TRPS1: variants seen among roughly 807,000 people sequenced by gnomAD.
The protein encoded by TRPS1 is zinc finger transcription factor Trps1.
Under a neutral mutation model 101.2 loss-of-function variants are expected in TRPS1, and 6 were observed. The observed-to-expected ratio is 0.06, with a 90% CI of 0.03 to 0.12. The LOEUF (loss-of-function observed/expected upper bound fraction) is 0.12, where lower values mean the gene tolerates loss of function less well. Among genes scored for constraint, TRPS1 ranks in the 10% least tolerant of loss-of-function variants. The probability of loss-of-function intolerance (pLI) is 1.00; values close to 1 mark genes in which losing one functional copy is unlikely to be tolerated. For synonymous variants in TRPS1, 578 were observed against 589.8 expected, an observed-to-expected ratio of 0.98 and a Z score of 0.29; for missense variants, 1,363 against 1,567.0, an observed-to-expected ratio of 0.87 and a Z score of 2.20.
chr8:115,633,171 CA>C (rs891231319), intron 1 of TRPS1, among the ~76,000 whole-genome samples: 1 of 151,914 alleles, frequency 6.6e-6, no homozygotes, highest in Non-Finnish European at 1.5e-5. Context: ...CCCCAGCAGG[CA>C]AACAGGTGGT....
rs766565793 is a variant in TRPS1, at chr8:115,604,469, G to A, written c.1500C>T (p.Ala500=). 1.2e-6 allele frequency: 2 copies of A among 1,613,918 alleles called. No homozygotes were observed. Among genetic ancestry groups the A allele is most frequent in the Non-Finnish European group, 1.7e-6 (2 of 1,179,964 alleles). Reference sequence around the variant, plus strand: ...TCATTGTCTCTCCTTCTGAACTTTTGGCTAGATCATTCTGATTAATGACAG... The same window carrying A: ...TCATTGTCTCTCCTTCTGAACTTTTAGCTAGATCATTCTGATTAATGACAG... ...RGSVINQNDL[A]KSSEGETMTK... Residue 500 remains alanine, a synonymous_variant, in exon 4 of 7, where the codon GCC becomes GCT. Transcript: ENST00000395715. The surrounding 1 kb of genome is among the most constrained non-coding windows in gnomAD (Gnocchi z 4.1).
chr8:115,561,385 T>C (rs1182250430), intron 5 of TRPS1, among the ~76,000 whole-genome samples: 2 of 151,942 alleles, frequency 1.3e-5, no homozygotes, highest in African/African-American at 2.4e-5. Flanking sequence ...GAAGCTGATC[T>C]GAACACAGGA....
intron 5 of TRPS1, among the ~76,000 whole-genome samples, chr8:115,423,073 G>A (rs1813107715): frequency 6.6e-6 from 1 of 152,166 alleles, no homozygotes; most frequent in Admixed American, 6.5e-5. Flanking sequence ...ACTTCTCTAA[G>A]TTCACCTTCC....
intron 5 of TRPS1, among the ~76,000 whole-genome samples, chr8:115,462,657 T>TC (rs1814216119): frequency 6.9e-6 from 1 of 145,818 alleles, no homozygotes; most frequent in Non-Finnish European, 1.5e-5. Flanking sequence ...TTTTTTTTTT[T>TC]CATCATCTCA....
At chr8:115,661,458 C>T (rs1811792971) in intron 1 of TRPS1, 1 of 152,028 alleles carries the variant, frequency 6.6e-6, no homozygotes, top group South Asian at 2.1e-4. Flanking sequence ...CATAGCAAAG[C>T]TATCGTGAGT....
chr8:115,581,537 A>G (rs1235107731), intron 5 of TRPS1, among the ~76,000 whole-genome samples: 1 of 150,924 alleles, frequency 6.6e-6, no homozygotes, highest in Non-Finnish European at 1.5e-5. Context: ...TGTGTGCATT[A>G]AAAAAAAAGT....
At chr8:115,424,698 T>C (rs1169688973) in intron 5 of TRPS1, among the ~76,000 whole-genome samples, 1 of 152,204 alleles carries the variant, frequency 6.6e-6, no homozygotes, top group Non-Finnish European at 1.5e-5. Flanking sequence ...CTGTGCTCCT[T>C]TGTAAAAACG....
At chr8:115,456,445 A>G (rs982303995) in intron 5 of TRPS1, among the ~76,000 whole-genome samples, 1 of 152,196 alleles carries the variant, frequency 6.6e-6, no homozygotes, top group Admixed American at 6.5e-5. Flanking sequence ...AAAAATTAAC[A>G]TATAAAATAT....
intron 2 of TRPS1, among the ~76,000 whole-genome samples, chr8:115,622,595 T>C (rs1184483700): frequency 6.6e-6 from 1 of 152,176 alleles, no homozygotes; most frequent in Admixed American, 6.5e-5. Flanking sequence ...ACACATAATG[T>C]CTTCACTAAC....
chr8:115,613,909 T>C (rs1818223409), intron 3 of TRPS1, among the ~76,000 whole-genome samples: 1 of 152,234 alleles, frequency 6.6e-6, no homozygotes, highest in African/African-American at 2.4e-5. Flanking sequence ...CATTTGACTT[T>C]CAATTAAAAT....
chr8:115,642,244 G>GTATA, intron 1 of TRPS1, among the ~76,000 whole-genome samples: 1 of 145,744 alleles, frequency 6.9e-6, no homozygotes, highest in African/African-American at 2.7e-5. Flanking sequence ...AAAGAAACCT[G>GTATA]TGTGTATATA....
chr8:115,436,162 T>G (rs1813448149), intron 5 of TRPS1, among the ~76,000 whole-genome samples: 1 of 152,130 alleles, frequency 6.6e-6, no homozygotes, highest in Admixed American at 6.6e-5. Context: ...CAACTCACAT[T>G]GTATGACTAT....
intron 1 of TRPS1, among the ~76,000 whole-genome samples, chr8:115,646,758 G>A (rs972004926): frequency 4.6e-5 from 7 of 152,016 alleles, no homozygotes; most frequent in African/African-American, 1.4e-4. Flanking sequence ...ATTAATAATT[G>A]GTTTAGTATT....
intron 5 of TRPS1, among the ~76,000 whole-genome samples, chr8:115,567,735 C>G (rs1459326362): frequency 6.6e-6 from 1 of 152,144 alleles, no homozygotes; most frequent in Non-Finnish European, 1.5e-5. Context: ...CCAGGCACCT[C>G]TATCAATGTG....
At chr8:115,441,896 A>AGTGT (rs1459432091) in intron 5 of TRPS1, among the ~76,000 whole-genome samples, 6,504 of 132,776 alleles carry the variant, frequency 0.049, 440 homozygotes, top group African/African-American at 0.18. Context: ...AGAGAGAGAG[A>AGTGT]GAGTGTGTGT....
intron 5 of TRPS1, among the ~76,000 whole-genome samples, chr8:115,584,031 T>TA (rs558716654): frequency 2.7e-5 from 4 of 149,606 alleles, no homozygotes; most frequent in African/African-American, 4.9e-5. Flanking sequence ...AAAACCAGTT[T>TA]AAAAAAAAAA....
chr8:115,489,199 C>T (rs1400948438), intron 5 of TRPS1, among the ~76,000 whole-genome samples: 3 of 152,118 alleles, frequency 2.0e-5, no homozygotes, highest in Non-Finnish European at 4.4e-5. Flanking sequence ...ATATGAGACA[C>T]CAATAAAATG....
chr8:115,436,804 C>A (rs1484837846), intron 5 of TRPS1, among the ~76,000 whole-genome samples: 4 of 152,064 alleles, frequency 2.6e-5, no homozygotes, highest in African/African-American at 9.7e-5. Flanking sequence ...GAATGTAAGG[C>A]ACACAATTTG....
intron 5 of TRPS1, among the ~76,000 whole-genome samples, chr8:115,483,260 C>T (rs941971723): frequency 3.3e-5 from 5 of 152,090 alleles, no homozygotes; most frequent in Admixed American, 6.6e-5. Flanking sequence ...AGGCTGAGCA[C>T]GGTGTCTCAT....
Sources: gnomAD v4.1 joint callset for allele counts (sites outside exome capture counted in the v4.1 genomes callset) on GRCh38, gnomAD v4.1.1 for gene constraint, Gnocchi (gnomAD v3.1) non-coding constraint, MANE v1.5 for transcripts, NCBI Gene and HGNC (gene_info 2026-07-23, HGNC 2026-07-21) for gene names.